Variants in UBR4 observed in about 807,000 individuals in gnomAD.
UBR4 encodes ubiquitin protein ligase E3 component n-recognin 4, also known as E3 ubiquitin-protein ligase UBR4.
UBR4 carries 124 observed loss-of-function variants against 575.6 expected under a neutral mutation model. That is an observed-to-expected ratio of 0.22 (90% CI 0.19 to 0.25). UBR4 has a LOEUF of 0.25. Among genes scored for constraint, UBR4 ranks in the 10% least tolerant of loss-of-function variants. The pLI is 1.00. For synonymous variants in UBR4, 2,455 were observed against 2,473.7 expected (o/e 0.99, Z 0.22); for missense variants, 4,818 against 6,478.8 (o/e 0.74, Z 8.80).
Position 19,145,794 on chromosome 1 carries a change from T to C in UBR4, c.7944A>G (p.Pro2648=), listed in dbSNP as rs2084782626. ...ATTCAAATATCCCTTTTAACATACC[T>C]GGAAGGCAGGCAGGTGCCAAGAAGG... The part of the protein sequence containing the change: ...KNAFLAPACL[P]GLTHIEATVN... The change falls in exon 53 of 106, where the codon CCA becomes CCG. Residue 2648 remains proline (P), a splice_region_variant and synonymous_variant. Coordinates refer to ENST00000375254, the MANE Select transcript of UBR4 (RefSeq NM_020765.3). The C allele has an allele frequency of 7.4e-6, 12 of 1,613,880 alleles. No individual in the cohort carries two copies. The highest frequency in any genetic ancestry group is 1.0e-5 in the Non-Finnish European group (12 of 1,179,926).
At chr1:19,083,875 C>T (rs374353104) in intron 102 of UBR4, among the ~76,000 whole-genome samples, 1 of 152,340 alleles carries the variant, frequency 6.6e-6, no homozygotes. Context: ...CCATAATGTG[C>T]ATATGGATAA....
chr1:19,199,661 G>A lies in UBR4; in HGVS notation c.368C>T (p.Ala123Val). The change falls in exon 3 of 106, where the codon GCT becomes GTT. Residue 123 changes from alanine (A) to valine (V), a missense_variant. Around this residue, in one of 29 missense-constraint regions of UBR4, gnomAD observed 85 missense variants for 134.2 expected, o/e 0.63. Transcript: ENST00000375254. The stretch of plus-strand genomic sequence containing the variant: ...GCCCATCACTCTCACCTGGGACACA[G>A]CACAAGCCTCATCTGGATTCTCCAG... ...LRLENPDEAC[A>V]VSQKHLILLI... 1 of 1,614,042 alleles carries A rather than the reference G, an allele frequency of 6.2e-7. No homozygotes were observed. The highest frequency in any genetic ancestry group is 8.5e-7 in the Non-Finnish European group (1 of 1,179,964).
intron 42 of UBR4, 61 bp from the exon 43 acceptor site, chr1:19,155,729 C>T (rs1488773880): frequency 7.0e-7 from 1 of 1,430,900 alleles, no homozygotes; most frequent in Admixed American, 1.7e-5. Context: ...CCCCAAATAT[C>T]TTAGTGAATC....
At chr1:19,127,308 T>C (rs1380763287) in intron 63 of UBR4, among the ~76,000 whole-genome samples, 1 of 152,186 alleles carries the variant, frequency 6.6e-6, no homozygotes, top group Non-Finnish European at 1.5e-5. Flanking sequence ...TTACCATACC[T>C]TATAGCAACA....
At chr1:19,149,004 C>A (rs2085276761) in intron 49 of UBR4, among the ~76,000 whole-genome samples, 1 of 152,158 alleles carries the variant, frequency 6.6e-6, no homozygotes, top group Non-Finnish European at 1.5e-5. Flanking sequence ...GGCAAAAGGA[C>A]ACACAAAGGG....
chr1:19,189,678 T>TA (rs1248810397), intron 11 of UBR4, among the ~76,000 whole-genome samples: 1 of 152,342 alleles, frequency 6.6e-6, no homozygotes, highest in African/African-American at 2.4e-5. Context: ...GCTTGTCACT[T>TA]ATACAACATA....
At chr1:19,081,704 C>A (rs1279921548) in intron 102 of UBR4, 131 bp from the exon 103 acceptor site, 2 of 986,762 alleles carry the variant, frequency 2.0e-6, no homozygotes, top group Non-Finnish European at 3.2e-6. Flanking sequence ...TCAACACTCC[C>A]CACCCATCCT....
At chr1:19,181,226 G>C (rs542362734) in intron 17 of UBR4, among the ~76,000 whole-genome samples, 65 of 152,060 alleles carry the variant, frequency 4.3e-4, no homozygotes, top group African/African-American at 1.5e-3. Flanking sequence ...CGGACGGATG[G>C]AAGGAAGGAA....
At chr1:19,118,051 G>C in intron 71 of UBR4, 141 bp from the exon 72 acceptor site, 1 of 683,550 alleles carries the variant, frequency 1.5e-6, no homozygotes, top group African/African-American at 1.8e-5. Context: ...AGAACTCAAG[G>C]ACACAGGAGA....
rs767104128 is a variant in UBR4, at chr1:19,168,088, G to A, written c.3838C>T (p.Leu1280=). The change falls in exon 28 of 106, where the codon CTG becomes TTG. Residue 1280 remains leucine, a synonymous_variant. Coordinates refer to ENST00000375254, the MANE Select transcript of UBR4 (RefSeq NM_020765.3). ...LGTLCSQSLP[L]AASLKHTLLS... is the part of the protein sequence containing the mutation. ...AGGGTATGCTTCAGGGAAGCAGCCAGGGGCAGACTTTGGCTACAGAGAGTC... is the reference window on the plus strand; with the variant it reads ...AGGGTATGCTTCAGGGAAGCAGCCAAGGGCAGACTTTGGCTACAGAGAGTC... 4 of 1,613,718 alleles carry A rather than the reference G, an allele frequency of 2.5e-6. No individual in the cohort carries two copies. Among genetic ancestry groups the A allele is most frequent in the African/African-American group, 1.3e-5 (1 of 74,924 alleles).
Position 19,074,651 on chromosome 1 carries a change from CCA to C in UBR4, c.*179_*180del, listed in dbSNP as rs2075748458. ...TACAGACAACCTCATAGCTGGTGCA[CCA>C]CACACACGAGATAAAACAGGAAGCC... On this transcript the variant is annotated 3_prime_UTR_variant, in exon 106 of 106. Transcript: ENST00000375254. 1.5e-6 allele frequency: 1 copy of C among 675,374 alleles called. No homozygotes were observed. Among genetic ancestry groups the C allele is most frequent in the African/African-American group, 1.8e-5 (1 of 55,604 alleles). The allele number at this position is 675,374 out of a possible 1,614,324, so 41.8% of individuals were successfully genotyped here. A position where few individuals can be genotyped will look rare whatever the true frequency, so the allele number is the denominator to read the frequency against.
chr1:19,084,526 T>C lies in UBR4; in HGVS notation c.14986A>G (p.Thr4996Ala). The change falls in exon 102 of 106, where the codon ACT becomes GCT. Residue 4996 changes from threonine (T) to alanine (A), a missense_variant. Thr to Ala is a moderately conservative substitution (Grantham distance 58). Coordinates refer to ENST00000375254, the MANE Select transcript of UBR4 (RefSeq NM_020765.3). ...GACGTGTTCAGGACGTAAAGCACAG[T>C]GTGAATGATGTACGGGATCAGGTGG... ...NIHLIPYIIH[T>A]VLYVLNTTRA... 1 of 1,613,430 alleles carries C rather than the reference T, an allele frequency of 6.2e-7. No homozygotes were observed. The highest frequency in any genetic ancestry group is 8.5e-7 in the Non-Finnish European group (1 of 1,179,660).
intron 17 of UBR4, among the ~76,000 whole-genome samples, chr1:19,182,706 A>G (rs746276235): frequency 2.0e-5 from 3 of 152,196 alleles, no homozygotes; most frequent in Non-Finnish European, 2.9e-5. Context: ...AGTCACAAAC[A>G]TAATGGAATA....
chr1:19,171,219 A>AAAAC (rs1391788019), intron 25 of UBR4, among the ~76,000 whole-genome samples: 1 of 18,354 alleles, frequency 5.4e-5, no homozygotes, highest in Admixed American at 7.2e-4. Flanking sequence ...AAAACAAAAC[A>AAAAC]AAAAAAACTG....
At chr1:19,135,701 A>G (rs929403152) in intron 60 of UBR4, among the ~76,000 whole-genome samples, 6 of 152,174 alleles carry the variant, frequency 3.9e-5, no homozygotes, top group Admixed American at 2.6e-4. Context: ...ATTCTAAGAG[A>G]CATGAAGAAG....
chr1:19,106,130 T>C (rs2079166413), intron 83 of UBR4, among the ~76,000 whole-genome samples: 1 of 152,244 alleles, frequency 6.6e-6, no homozygotes, highest in Non-Finnish European at 1.5e-5. Flanking sequence ...TTAGCAAAGA[T>C]GCTGATCATT....
intron 32 of UBR4, 146 bp downstream of exon 32, chr1:19,164,653 G>A (rs1221432487): frequency 1.0e-5 from 12 of 1,190,036 alleles, no homozygotes; most frequent in Admixed American, 1.0e-4. Context: ...AAATCAAGGA[G>A]CTACACTAGA....
chr1:19,185,004 T>C (rs1038467697), intron 15 of UBR4, 95 bp downstream of exon 15: 13 of 1,482,574 alleles, frequency 8.8e-6, no homozygotes, highest in Non-Finnish European at 9.3e-6. Context: ...ATTACAGTTA[T>C]CCAAGCCACA....
chr1:19,192,619 T>TTGAACTCTTCAAG, intron 9 of UBR4, 79 bp from the exon 10 acceptor site: 1 of 1,508,002 alleles, frequency 6.6e-7, no homozygotes, highest in Non-Finnish European at 9.2e-7. Flanking sequence ...ACCCAAACAA[T>TTGAACTCTTCAAG]TTAACTTGAA....
Sources: allele counts gnomAD v4.1 joint callset (sites outside exome capture counted in the v4.1 genomes callset), GRCh38; gene constraint gnomAD v4.1.1; regional missense constraint gnomAD v4.1.1; transcripts MANE v1.5; gene names NCBI Gene and HGNC (gene_info 2026-07-23, HGNC 2026-07-21).